CACNA1H: variants seen among roughly 807,000 people sequenced by gnomAD.
The protein encoded by CACNA1H is calcium voltage-gated channel subunit alpha1 H.
Under a neutral mutation model 192.5 loss-of-function variants are expected in CACNA1H, and 149 were observed. The ratio of observed to expected loss-of-function variants is 0.77; its 90% CI spans 0.68 to 0.89. The LOEUF (loss-of-function observed/expected upper bound fraction) is 0.89. Ranked by LOEUF, CACNA1H falls within the 40% of genes least tolerant of loss-of-function variation. The pLI is 0.00. For synonymous variants in CACNA1H, 2,202 were observed against 1,475.2 expected, an observed-to-expected ratio of 1.49 and a Z score of -11.29; for missense variants, 4,257 against 3,423.5, an observed-to-expected ratio of 1.24 and a Z score of -6.08.
Position 1,215,354 on chromosome 16 carries a change from C to G in CACNA1H, c.5152C>G (p.Arg1718Gly). 6.2e-7 allele frequency: 1 copy of G among 1,605,738 alleles called. No individual in the cohort carries two copies. The highest frequency in any genetic ancestry group is 8.5e-7 in the Non-Finnish European group (1 of 1,176,128). The change falls in exon 29 of 35, where the codon CGC becomes GGC. Residue 1718 changes from arginine to glycine, a missense_variant. Transcript: ENST00000348261. Reference sequence around the variant, plus strand: ...CAACCCCACCATCATCCGCATCATGCGCGTGCTTCGCATTGCCCGTGGTAG... The same window carrying G: ...CAACCCCACCATCATCCGCATCATGGGCGTGCTTCGCATTGCCCGTGGTAG... ...PINPTIIRIM[R>G]VLRIARVLKL...
In CACNA1H at chr16:1,196,024, G is replaced by T. The variant is rs1203139977; in HGVS notation, c.643+1G>T. The T allele has an allele frequency of 1.9e-6, 3 of 1,611,694 alleles. No individual in the cohort carries two copies. The highest frequency in any genetic ancestry group is 1.7e-6 in the Non-Finnish European group (2 of 1,178,852). ...CTCCGCGCCATCAACCGCGTGCCTA[G>T]TAAGTGACCGGCCCCGACTGGGCTT... On this transcript the variant is annotated splice_donor_variant, in intron 5 of 34. Transcript: ENST00000348261. LOFTEE classifies it high-confidence loss of function.
intron 2 of CACNA1H, among the ~76,000 whole-genome samples, chr16:1,172,665 T>C (rs1417559949): frequency 6.6e-6 from 1 of 152,160 alleles, no homozygotes; most frequent in Non-Finnish European, 1.5e-5. Flanking sequence ...ATAACCGGCT[T>C]CCTGTAGCCA....
At chr16:1,158,209 C>A (rs1596286038) in intron 2 of CACNA1H, among the ~76,000 whole-genome samples, 1 of 152,318 alleles carries the variant, frequency 6.6e-6, no homozygotes, top group East Asian at 1.9e-4. Flanking sequence ...CCCACCCCCA[C>A]AGCTGATCCT....
intron 2 of CACNA1H, among the ~76,000 whole-genome samples, chr16:1,166,009 C>T (rs895231008): frequency 2.6e-5 from 4 of 152,182 alleles, no homozygotes; most frequent in Middle Eastern, 6.3e-3. Context: ...CTTCTCGGTC[C>T]TCCTCGTCCT....
At chr16:1,158,472 G>T (rs769653959) in intron 2 of CACNA1H, among the ~76,000 whole-genome samples, 11 of 152,170 alleles carry the variant, frequency 7.2e-5, no homozygotes, top group Non-Finnish European at 1.5e-4. Context: ...TCTGCCGAGC[G>T]CCTGTCGTAG....
chr16:1,186,116 G>T (rs1390433805), intron 2 of CACNA1H, among the ~76,000 whole-genome samples: 1 of 139,032 alleles, frequency 7.2e-6, no homozygotes, highest in Admixed American at 7.0e-5. Flanking sequence ...GTGCGTAGGG[G>T]CCGGAGGCGG....
intron 2 of CACNA1H, among the ~76,000 whole-genome samples, chr16:1,183,582 C>G (rs1158424078): frequency 6.6e-6 from 1 of 152,246 alleles, no homozygotes; most frequent in Non-Finnish European, 1.5e-5. Context: ...AGAGGCCCCG[C>G]TGGAGAACAG....
intron 5 of CACNA1H, among the ~76,000 whole-genome samples, chr16:1,196,225 G>A (rs572231714): frequency 3.3e-4 from 51 of 152,390 alleles, no homozygotes; most frequent in African/African-American, 1.1e-3. Flanking sequence ...ATCAAGCTGC[G>A]GTGTGGTGGG....
chr16:1,219,838 C>G, intron 34 of CACNA1H, 143 bp from the exon 35 acceptor site: 1 of 516,288 alleles, frequency 1.9e-6, no homozygotes, highest in Non-Finnish European at 3.1e-6. Flanking sequence ...GCTTCCAGCC[C>G]CATCTCGAGG....
At chr16:1,200,624 T>G in intron 7 of CACNA1H, 53 bp downstream of exon 7, 2 of 1,599,066 alleles carry the variant, frequency 1.3e-6, no homozygotes, top group Non-Finnish European at 1.7e-6. Flanking sequence ...GGGGAGCGGG[T>G]GCAGGACTCG....
At position 1,212,579 on chromosome 16, in the gene CACNA1H, C is replaced by T. The variant is rs373806172; in HGVS notation, c.4777+51C>T. On this transcript the variant is annotated intron_variant, in intron 26 of 34. Coordinates refer to ENST00000348261, the MANE Select transcript of CACNA1H (RefSeq NM_021098.3). ...AGGCCCCGCTTCTGCGGCCGCTGCT[C>T]GGGGAAGGGCGGGCATCCCAGGCCT... The T allele has an allele frequency of 2.4e-5, 38 of 1,579,872 alleles. No individual in the cohort carries two copies. In the East Asian group the frequency reaches 3.5e-4, roughly 15 times the overall value.
chr16:1,181,851 A>G lies in CACNA1H; in HGVS notation c.300-13121A>G, dbSNP rs557999126. ...GGCCCATGCACACAGCTACACACAC[A>G]TCACACACCCACACCCGGACACGCG... On this transcript the variant is annotated intron_variant, in intron 2 of 34. Transcript: ENST00000348261. Among the ~76,000 whole-genome samples the G allele has an allele frequency of 4.6e-5, 7 of 152,220 alleles. No individual in the cohort carries two copies. In the South Asian group the frequency reaches 1.5e-3, roughly 32 times the overall value.
intron 24 of CACNA1H, 43 bp from the exon 25 acceptor site, chr16:1,211,903 T>TGGCGGGGCAGGCG: frequency 6.2e-7 from 1 of 1,610,836 alleles, no homozygotes; most frequent in East Asian, 2.2e-5. Flanking sequence ...GTAGGGCCCC[T>TGGCGGGGCAGGCG]GGCGGGGCAG....
At chr16:1,199,522 G>A (rs1435873144) in intron 6 of CACNA1H, among the ~76,000 whole-genome samples, 1 of 146,996 alleles carries the variant, frequency 6.8e-6, no homozygotes, top group Non-Finnish European at 1.5e-5. Context: ...CCCCAGTGCT[G>A]CCACCTCTCA....
rs553530066 is a variant in CACNA1H at position 1,200,950 on chromosome 16, G to T, written c.1212+142G>T. ...CACAGGGGAGGGAGGCAGAGCTTGC[G>T]GGGGTGGGGAGGTGTGGCTGGGGAC... is the stretch of plus-strand genomic sequence containing the variant. On this transcript the variant is annotated intron_variant, in intron 8 of 34. Coordinates refer to ENST00000348261, the MANE Select transcript of CACNA1H (RefSeq NM_021098.3). The T allele has an allele frequency of 2.3e-5, 16 of 684,632 alleles. No individual in the cohort carries two copies. In the South Asian group the frequency reaches 2.7e-4, roughly 12 times the overall value. The allele number at this position is 684,632 out of a possible 1,614,324, so 42.4% of individuals were successfully genotyped here.
chr16:1,182,343 TC>T (rs1269362681), intron 2 of CACNA1H, among the ~76,000 whole-genome samples: 1 of 152,084 alleles, frequency 6.6e-6, no homozygotes, highest in Non-Finnish European at 1.5e-5. Flanking sequence ...GATGGAATGT[TC>T]CGGCAGCCGG....
intron 12 of CACNA1H, 93 bp downstream of exon 12, chr16:1,206,382 C>T (rs1328813478): frequency 7.4e-6 from 9 of 1,224,136 alleles, no homozygotes; most frequent in Middle Eastern, 2.7e-4. Flanking sequence ...GAGAAGGAGC[C>T]CTCCCACCAG....
chr16:1,220,912 C>T lies in CACNA1H; in HGVS notation c.6980C>T (p.Thr2327Ile). 1 of 1,611,450 alleles carries T rather than the reference C, an allele frequency of 6.2e-7. No homozygotes were observed. Among genetic ancestry groups the T allele is most frequent in the East Asian group, 2.2e-5 (1 of 44,858 alleles). The change falls in exon 35 of 35, where the codon ACA becomes ATA. Residue 2327 changes from threonine (T) to isoleucine (I), a missense_variant. Thr to Ile is a moderately conservative substitution (Grantham distance 89). Coordinates refer to ENST00000348261, the MANE Select transcript of CACNA1H (RefSeq NM_021098.3). ...GAGAAGAGGCGGGGGCTGTACCTCA[C>T]AGTCCCCCAGTGTCCTCTGGAGAAA... is the stretch of plus-strand genomic sequence containing the variant. ...PPEKRRGLYLTVPQCPLEKPG... is the reference protein window; with the variant it reads ...PPEKRRGLYLIVPQCPLEKPG...
In CACNA1H at chr16:1,202,447, A is replaced by C. The variant is rs926633519; in HGVS notation, c.1997A>C (p.Glu666Ala). The C allele has an allele frequency of 1.3e-5, 20 of 1,489,476 alleles. No homozygotes were observed. The highest frequency in any genetic ancestry group is 1.6e-5 in the Non-Finnish European group (18 of 1,115,570). The allele number at this position is 1,489,476 out of a possible 1,614,324, so 92.3% of individuals were successfully genotyped here. The change falls in exon 9 of 35, where the codon GAG becomes GCG. Residue 666 changes from glutamate (E) to alanine (A), a missense_variant. Glu to Ala is a moderately radical substitution (Grantham distance 107, BLOSUM62 -1). Coordinates refer to ENST00000348261, the MANE Select transcript of CACNA1H (RefSeq NM_021098.3). ...GAGAAGATCCCGCATGTGGTCGGGGAGCATGGTGAGGACCCAGCCCCACCC... is the reference window on the plus strand; with the variant it reads ...GAGAAGATCCCGCATGTGGTCGGGGCGCATGGTGAGGACCCAGCCCCACCC... ...PYEKIPHVVG[E>A]HGLGQAPGHL...
Sources: allele counts gnomAD v4.1 joint callset (sites outside exome capture counted in the v4.1 genomes callset), GRCh38; gene constraint gnomAD v4.1.1; transcripts MANE v1.5; gene names NCBI Gene and HGNC (gene_info 2026-07-23, HGNC 2026-07-21).